TBC1D32: variants seen among roughly 807,000 people sequenced by gnomAD.
TBC1D32 encodes the protein TBC1 domain family member 32, also known as protein broad-minded.
In TBC1D32, 151 loss-of-function variants were observed where a neutral mutation model predicts 170.3. The observed-to-expected ratio is 0.89, with a 90% CI of 0.78 to 1.01. The LOEUF (loss-of-function observed/expected upper bound fraction) is 1.01. Ranked by LOEUF, TBC1D32 falls within the 50% of genes least tolerant of loss-of-function variation. The probability of loss-of-function intolerance (pLI) is 0.00; values close to 1 mark genes in which losing one functional copy is unlikely to be tolerated. For synonymous variants in TBC1D32, 498 were observed against 488.0 expected, an observed-to-expected ratio of 1.02 and a Z score of -0.27; for missense variants, 1,464 against 1,457.1, an observed-to-expected ratio of 1.00 and a Z score of -0.08.
At chr6:121,213,310 T>C (rs1389130116) in intron 21 of TBC1D32, among the ~76,000 whole-genome samples, 1 of 151,856 alleles carries the variant, frequency 6.6e-6, no homozygotes, top group African/African-American at 2.4e-5. Context: ...CCCACAGTCT[T>C]GGTCCAAAAG....
intron 3 of TBC1D32, among the ~76,000 whole-genome samples, chr6:121,317,273 A>G (rs1212137152): frequency 1.3e-5 from 2 of 152,236 alleles, no homozygotes; most frequent in African/African-American, 2.4e-5. Flanking sequence ...TAATTTTCTC[A>G]TATCACCAAG....
At chr6:121,120,905 T>C (rs1325548037) in intron 26 of TBC1D32, among the ~76,000 whole-genome samples, 1 of 152,052 alleles carries the variant, frequency 6.6e-6, no homozygotes, top group Non-Finnish European at 1.5e-5. Context: ...TTTCCCAGGT[T>C]TGCATTAGAT....
intron 30 of TBC1D32, among the ~76,000 whole-genome samples, chr6:121,097,327 C>T (rs1488842516): frequency 6.6e-6 from 1 of 151,952 alleles, no homozygotes; most frequent in African/African-American, 2.4e-5. Flanking sequence ...CCAGAATCTA[C>T]AAAGAACTCA....
At chr6:121,293,996 G>A (rs1805247303) in intron 11 of TBC1D32, among the ~76,000 whole-genome samples, 1 of 151,194 alleles carries the variant, frequency 6.6e-6, no homozygotes, top group African/African-American at 2.4e-5. Context: ...GGGGCAGTAG[G>A]AGTAAAAATA....
At chr6:121,262,085 G>A (rs968488545) in intron 15 of TBC1D32, among the ~76,000 whole-genome samples, 1 of 152,136 alleles carries the variant, frequency 6.6e-6, no homozygotes, top group Non-Finnish European at 1.5e-5. Context: ...AGAAAAAAGA[G>A]TAAGAAGTAA....
At chr6:121,091,878 C>T (rs1028573668) in intron 30 of TBC1D32, among the ~76,000 whole-genome samples, 3 of 152,080 alleles carry the variant, frequency 2.0e-5, no homozygotes, top group Non-Finnish European at 4.4e-5. Flanking sequence ...TAATCCAATA[C>T]GACTGGTGTC....
intron 13 of TBC1D32, among the ~76,000 whole-genome samples, chr6:121,281,996 A>G (rs987350778): frequency 2.0e-5 from 3 of 151,796 alleles, no homozygotes; most frequent in African/African-American, 7.2e-5. Flanking sequence ...GCAAATGTAC[A>G]GCTTTTTTCC....
At chr6:121,215,697 AAC>A (rs775383679) in intron 21 of TBC1D32, among the ~76,000 whole-genome samples, 17 of 152,170 alleles carry the variant, frequency 1.1e-4, no homozygotes, top group Admixed American at 4.6e-4. Context: ...AAAGGACATG[AAC>A]AGGCACTTTT....
At chr6:121,137,492 A>C (rs925334343) in intron 24 of TBC1D32, among the ~76,000 whole-genome samples, 2 of 151,436 alleles carry the variant, frequency 1.3e-5, no homozygotes, top group Non-Finnish European at 3.0e-5. Flanking sequence ...AAAAAAAAAA[A>C]AACAACTACT....
At chr6:121,267,185 T>TCTA (rs1800640008) in intron 15 of TBC1D32, among the ~76,000 whole-genome samples, 1 of 150,222 alleles carries the variant, frequency 6.7e-6, no homozygotes, top group Admixed American at 6.6e-5. Context: ...ACAGCTCCAG[T>TCTA]CTACAACTCC....
At chr6:121,156,456 T>C (rs1348934498) in intron 24 of TBC1D32, among the ~76,000 whole-genome samples, 2 of 152,000 alleles carry the variant, frequency 1.3e-5, no homozygotes, top group African/African-American at 4.8e-5. Flanking sequence ...GTTTTTCCTT[T>C]TAAAAAATCA....
intron 15 of TBC1D32, among the ~76,000 whole-genome samples, chr6:121,263,238 G>C (rs1458617929): frequency 6.7e-6 from 1 of 149,320 alleles, no homozygotes; most frequent in Non-Finnish European, 1.5e-5. Flanking sequence ...AAAAAAGATA[G>C]AGGTAAATCT....
chr6:121,258,970 C>CT (rs1799407576), intron 15 of TBC1D32, among the ~76,000 whole-genome samples: 1 of 149,476 alleles, frequency 6.7e-6, no homozygotes, highest in Non-Finnish European at 1.5e-5. Context: ...GGGAGACTTT[C>CT]TTTAATATTA....
chr6:121,105,400 C>T (rs1323810074), intron 30 of TBC1D32, among the ~76,000 whole-genome samples: 1 of 151,766 alleles, frequency 6.6e-6, no homozygotes, highest in African/African-American at 2.4e-5. Flanking sequence ...TCTCTCAGAC[C>T]CTGACCTAAA....
At position 121,110,067 on chromosome 6, in the gene TBC1D32, C is replaced by T. The variant is rs570460887; in HGVS notation, c.3324+2438G>A. Among the ~76,000 whole-genome samples the T allele has an allele frequency of 5.8e-4, 88 of 151,684 alleles. 1 individual carries two copies. The highest frequency in any genetic ancestry group is 3.4e-3 in the Middle Eastern group (1 of 294). ...GAGATCGAGACCATCCTGGCTAACA[C>T]GGTGAAACCTGGTCTCTACTAAAAA... On this transcript the variant is annotated intron_variant, in intron 29 of 31. Coordinates refer to ENST00000398212, the MANE Select transcript of TBC1D32 (RefSeq NM_152730.6).
chr6:121,237,839 C>T (rs73768942), intron 20 of TBC1D32, among the ~76,000 whole-genome samples: 1 of 151,910 alleles, frequency 6.6e-6, no homozygotes, highest in African/African-American at 2.4e-5. Flanking sequence ...GTATTAGTTG[C>T]CTTCTTCTCA....
At chr6:121,195,461 A>G (rs1268525292) in intron 22 of TBC1D32, among the ~76,000 whole-genome samples, 5 of 152,138 alleles carry the variant, frequency 3.3e-5, no homozygotes, top group Non-Finnish European at 5.9e-5. Flanking sequence ...GGGTCAAGTC[A>G]CCATGTGACC....
At position 121,079,552 on chromosome 6, in the gene TBC1D32, A is replaced by G. The variant is rs1048047026; in HGVS notation, c.*1219T>C. On this transcript the variant is annotated 3_prime_UTR_variant, in exon 32 of 32. Coordinates refer to ENST00000398212, the MANE Select transcript of TBC1D32 (RefSeq NM_152730.6). ...ATTTAGATACAAGGAAAGAATAAAA[A>G]ACAGTATCTACAATTAGAAAAACTT... is the stretch of plus-strand genomic sequence containing the variant. 7 of 152,168 alleles carry G rather than the reference A, an allele frequency of 4.6e-5. No individual in the cohort carries two copies. Among genetic ancestry groups the G allele is most frequent in the Non-Finnish European group, 1.5e-5 (1 of 67,994 alleles). The allele number at this position is 152,168 out of a possible 1,614,324, so 9.4% of individuals were successfully genotyped here. A position where few individuals can be genotyped will look rare whatever the true frequency, so the allele number is the denominator to read the frequency against.
rs185171817 is a variant in TBC1D32, at chr6:121,262,468, A to T, written c.1734-6183T>A. Among the ~76,000 whole-genome samples, 11 of 149,738 alleles carry T rather than the reference A, an allele frequency of 7.3e-5. 1 individual carries two copies. Among genetic ancestry groups the T allele is most frequent in the African/African-American group, 2.8e-4 (11 of 39,320 alleles). ...TATAGGCCAGAAGAGAATAGAGGCC[A>T]ATATTAAATACTTTTTTTTTTTTTT... On this transcript the variant is annotated intron_variant, in intron 15 of 31. Coordinates refer to ENST00000398212, the MANE Select transcript of TBC1D32 (RefSeq NM_152730.6).
Sources: gnomAD v4.1 joint callset for allele counts (sites outside exome capture counted in the v4.1 genomes callset) on GRCh38, gnomAD v4.1.1 for gene constraint, MANE v1.5 for transcripts, NCBI Gene and HGNC (gene_info 2026-07-23, HGNC 2026-07-21) for gene names.